The following NAALADL2 variants were observed in gnomAD, a reference collection of about 807,000 sequenced individuals.
NAALADL2 encodes N-acetylated alpha-linked acidic dipeptidase like 2.
NAALADL2 carries 76 observed loss-of-function variants against 87.2 expected under a neutral mutation model. The ratio of observed to expected loss-of-function variants is 0.87; its 90% CI spans 0.72 to 1.05. The LOEUF is 1.05. Among genes scored for constraint, NAALADL2 ranks in the 50% least tolerant of loss-of-function variants. NAALADL2 has a pLI of 0.00. For missense variants in NAALADL2, 1,089 were observed against 945.8 expected (o/e 1.15, Z -1.99); for synonymous variants, 354 against 331.0 (o/e 1.07, Z -0.75).
rs564133873 is a variant in NAALADL2, at chr3:175,614,785, C to A, written c.1801-12506C>A. ...AATTTCAGTCCTGACACAAGATATGCAACTATAAAAAATTAAATAAATTTG... is the reference window on the plus strand; with the variant it reads ...AATTTCAGTCCTGACACAAGATATGAAACTATAAAAAATTAAATAAATTTG... On this transcript the variant is annotated intron_variant, in intron 10 of 13. Coordinates refer to ENST00000454872, the MANE Select transcript of NAALADL2 (RefSeq NM_207015.3). 9.2e-5 allele frequency among the ~76,000 whole-genome samples: 14 copies of A among 152,228 alleles called. No homozygotes were observed. In the South Asian group the frequency reaches 2.3e-3, roughly 25 times the overall value.
At chr3:174,832,136 C>CT (rs978266347) in intron 3 of NAALADL2, among the ~76,000 whole-genome samples, 1 of 151,932 alleles carries the variant, frequency 6.6e-6, no homozygotes, top group African/African-American at 2.4e-5. Flanking sequence ...TTAGTTATTT[C>CT]TTGCCTTCTG....
At chr3:174,566,560 C>T (rs73042628) in intron 2 of NAALADL2, among the ~76,000 whole-genome samples, 3,604 of 151,612 alleles carry the variant, frequency 0.024, 171 homozygotes, top group African/African-American at 0.083. Context: ...GACTGTTTTT[C>T]CTTTTTTTCA....
At chr3:175,490,248 TTGA>T (rs142418149) in intron 9 of NAALADL2, among the ~76,000 whole-genome samples, 5,890 of 152,284 alleles carry the variant, frequency 0.039, 360 homozygotes, top group African/African-American at 0.13. Context: ...TATTAAGTCC[TTGA>T]TGATAACCTT....
At chr3:175,413,050 G>A (rs780710887) in intron 5 of NAALADL2, among the ~76,000 whole-genome samples, 39 of 148,996 alleles carry the variant, frequency 2.6e-4, no homozygotes, top group Admixed American at 5.3e-4. Flanking sequence ...TCCCACGCCC[G>A]GTTAATTTTT....
chr3:175,356,286 G>T (rs949777622), intron 5 of NAALADL2, among the ~76,000 whole-genome samples: 1 of 151,984 alleles, frequency 6.6e-6, no homozygotes, highest in South Asian at 2.1e-4. Flanking sequence ...CAGCCCCAAA[G>T]AAAAAAATAA....
chr3:175,284,740 C>A (rs180764558), intron 4 of NAALADL2, among the ~76,000 whole-genome samples: 30 of 152,038 alleles, frequency 2.0e-4, no homozygotes, highest in Non-Finnish European at 3.5e-4. Context: ...AATAACGGCA[C>A]CTGTTTTTGT....
rs994051506 is a variant in NAALADL2, at chr3:175,543,250, G to A, written c.1654-32791G>A. Among the ~76,000 whole-genome samples, 96 of 152,012 alleles carry A rather than the reference G, an allele frequency of 6.3e-4. 1 individual carries two copies. Among genetic ancestry groups the A allele is most frequent in the Admixed American group, 3.3e-4 (5 of 15,268 alleles). ...GCATATGTCAACATTATTGACAGAA[G>A]ACTAACCAAGACACCACAAGAATGT... On this transcript the variant is annotated intron_variant, in intron 9 of 13. Coordinates refer to ENST00000454872, the MANE Select transcript of NAALADL2 (RefSeq NM_207015.3).
At chr3:174,473,453 C>T (rs1405170381) in intron 1 of NAALADL2, among the ~76,000 whole-genome samples, 1 of 152,152 alleles carries the variant, frequency 6.6e-6, no homozygotes, top group Non-Finnish European at 1.5e-5. Flanking sequence ...AAACTTCCTT[C>T]CTGTGAATGC....
intron 11 of NAALADL2, among the ~76,000 whole-genome samples, chr3:175,718,964 T>C (rs140165768): frequency 1.2e-3 from 187 of 152,270 alleles, no homozygotes; most frequent in African/African-American, 4.3e-3. Flanking sequence ...AAGGCTAGCA[T>C]TGAATTTTTT....
chr3:174,839,983 C>T (rs545441851), intron 3 of NAALADL2, among the ~76,000 whole-genome samples: 44 of 152,096 alleles, frequency 2.9e-4, no homozygotes, highest in Middle Eastern at 3.4e-3. Flanking sequence ...CCATTTGATC[C>T]AGCAATCCCA....
chr3:175,345,582 T>C (rs533892002), intron 5 of NAALADL2, among the ~76,000 whole-genome samples: 1 of 152,234 alleles, frequency 6.6e-6, no homozygotes, highest in East Asian at 1.9e-4. Context: ...AATGGCACTG[T>C]TGGTGTTCCA....
chr3:175,080,100 G>A (rs2109229687), intron 1 of NAALADL2, among the ~76,000 whole-genome samples: 1 of 152,106 alleles, frequency 6.6e-6, no homozygotes, highest in East Asian at 1.9e-4. Context: ...CGAGTAGCTG[G>A]GACTACAGGC....
intron 9 of NAALADL2, among the ~76,000 whole-genome samples, chr3:175,542,727 T>C (rs940976370): frequency 6.6e-6 from 1 of 152,178 alleles, no homozygotes; most frequent in Non-Finnish European, 1.5e-5. Context: ...ACTGTAATTA[T>C]TGAAAAAAAA....
chr3:174,497,349 G>A (rs1462700134), intron 1 of NAALADL2, among the ~76,000 whole-genome samples: 2 of 152,016 alleles, frequency 1.3e-5, no homozygotes, highest in Non-Finnish European at 2.9e-5. Context: ...TTTCACAGCT[G>A]GGTGCAGTGG....
At chr3:175,119,819 G>T (rs1203677723) in intron 2 of NAALADL2, among the ~76,000 whole-genome samples, 1 of 142,360 alleles carries the variant, frequency 7.0e-6, no homozygotes, top group African/African-American at 2.6e-5. Context: ...ATATATAAAA[G>T]TATATATATA....
intron 1 of NAALADL2, among the ~76,000 whole-genome samples, chr3:174,991,854 T>C (rs1746794748): frequency 6.6e-6 from 1 of 152,096 alleles, no homozygotes; most frequent in East Asian, 1.9e-4. Context: ...ATGAAACTTT[T>C]AGGAAAGGTA....
At chr3:175,193,685 A>G (rs1056247730) in intron 2 of NAALADL2, among the ~76,000 whole-genome samples, 21 of 152,046 alleles carry the variant, frequency 1.4e-4, no homozygotes, top group Admixed American at 9.2e-4. Flanking sequence ...AACAAAAACA[A>G]AACAAAAAAC....
intron 5 of NAALADL2, among the ~76,000 whole-genome samples, chr3:175,330,884 T>C (rs1004995886): frequency 1.3e-5 from 2 of 151,824 alleles, no homozygotes; most frequent in South Asian, 4.2e-4. Flanking sequence ...TTTGAAAAGA[T>C]AAAATAGATA....
intron 2 of NAALADL2, among the ~76,000 whole-genome samples, chr3:175,118,525 A>G (rs1296958038): frequency 6.6e-6 from 1 of 151,800 alleles, no homozygotes; most frequent in East Asian, 1.9e-4. Flanking sequence ...AGGAGGCGGT[A>G]AACAAACCAT....
Sources: allele counts gnomAD v4.1 joint callset (sites outside exome capture counted in the v4.1 genomes callset), GRCh38; gene constraint gnomAD v4.1.1; transcripts MANE v1.5; gene names NCBI Gene and HGNC (gene_info 2026-07-23, HGNC 2026-07-21).